The following AIG1 variants were observed in gnomAD, a reference collection of about 807,000 sequenced individuals.
The protein encoded by AIG1 is androgen induced 1.
AIG1 carries 23 observed loss-of-function variants against 31.4 expected under a neutral mutation model. The ratio of observed to expected loss-of-function variants is 0.73; its 90% CI spans 0.53 to 1.04. AIG1 has a LOEUF of 1.04. Among genes scored for constraint, AIG1 ranks in the 50% least tolerant of loss-of-function variants. The pLI is 0.00. For synonymous variants in AIG1, 100 were observed against 110.5 expected (o/e 0.90, Z 0.60); for missense variants, 274 against 295.0 (o/e 0.93, Z 0.52).
At chr6:143,274,001 C>T (rs1365622322) in intron 3 of AIG1, among the ~76,000 whole-genome samples, 2 of 152,198 alleles carry the variant, frequency 1.3e-5, no homozygotes, top group African/African-American at 2.4e-5. Context: ...GAGTTACTCT[C>T]CCTTCTTCCC....
intron 4 of AIG1, among the ~76,000 whole-genome samples, chr6:143,307,405 T>C (rs1232892470): frequency 6.6e-6 from 1 of 152,216 alleles, no homozygotes; most frequent in South Asian, 2.1e-4. Flanking sequence ...GTTTGTTAGT[T>C]TTCCTTCTAA....
chr6:143,113,506 G>A (rs961307163), intron 1 of AIG1, among the ~76,000 whole-genome samples: 1 of 151,382 alleles, frequency 6.6e-6, no homozygotes, highest in Non-Finnish European at 1.5e-5. Flanking sequence ...GGTAGGCTGA[G>A]GCAGGTGAAT....
intron 3 of AIG1, among the ~76,000 whole-genome samples, chr6:143,259,236 C>T (rs191454409): frequency 3.9e-5 from 6 of 152,286 alleles, no homozygotes; most frequent in Non-Finnish European, 2.9e-5. Context: ...AAATACTCAG[C>T]CTTGGGTATT....
At chr6:143,061,526 A>G (rs1275702017) in intron 1 of AIG1, 1 of 326,162 alleles carries the variant, frequency 3.1e-6, no homozygotes, top group Non-Finnish European at 6.1e-6. Flanking sequence ...GTGATTTGGA[A>G]CTTCACCTGA....
chr6:143,343,685 G>T (rs1777901923), downstream of AIG1, among the ~76,000 whole-genome samples: 1 of 152,100 alleles, frequency 6.6e-6, no homozygotes, highest in South Asian at 2.1e-4. Flanking sequence ...ATTTCTTTGT[G>T]TGTTTGTGTA....
At chr6:143,124,861 A>G (rs1194380113) in intron 1 of AIG1, among the ~76,000 whole-genome samples, 2 of 152,088 alleles carry the variant, frequency 1.3e-5, no homozygotes, top group African/African-American at 4.8e-5. Context: ...AACCACCCCC[A>G]TGATCCAATT....
At chr6:143,311,910 G>A (rs1775311591) in intron 4 of AIG1, among the ~76,000 whole-genome samples, 1 of 151,900 alleles carries the variant, frequency 6.6e-6, no homozygotes, top group Non-Finnish European at 1.5e-5. Context: ...ATTTCAATAT[G>A]CCAACATTGA....
chr6:143,096,820 A>G (rs1195870128), intron 1 of AIG1, among the ~76,000 whole-genome samples: 3 of 152,258 alleles, frequency 2.0e-5, no homozygotes, highest in Admixed American at 6.5e-5. Context: ...TCTATCAAAT[A>G]TAAGTCAGAG....
chr6:143,118,797 A>T (rs919690639), intron 1 of AIG1, among the ~76,000 whole-genome samples: 3 of 152,090 alleles, frequency 2.0e-5, no homozygotes, highest in African/African-American at 7.2e-5. Flanking sequence ...GGCTTGAGTG[A>T]CCTAAATAAA....
chr6:143,245,059 C>G lies in AIG1; in HGVS notation c.400-39051C>G, dbSNP rs1023890249. ...ATCATTAAGGATCAGCAGCCATTGT[C>G]TCTTTTAGTTGGAGAACGGTGGGTC... On this transcript the variant is annotated intron_variant, in intron 3 of 5. Coordinates refer to ENST00000357847, the MANE Select transcript of AIG1 (RefSeq NM_016108.4). Among the ~76,000 whole-genome samples the G allele has an allele frequency of 2.0e-5, 3 of 152,206 alleles. No homozygotes were observed. The East Asian group carries it at 5.8e-4, about 29-fold the overall frequency.
chr6:143,114,399 T>C (rs1376452940), intron 1 of AIG1, among the ~76,000 whole-genome samples: 1 of 152,240 alleles, frequency 6.6e-6, no homozygotes, highest in Admixed American at 6.5e-5. Flanking sequence ...GCTGTTTTAG[T>C]TACATGTTTT....
rs562097698 is a variant in AIG1 at position 143,340,744 on chromosome 6, G to C, written c.*1068G>C. 2.1e-3 allele frequency among the ~76,000 whole-genome samples: 318 copies of C among 152,086 alleles called. No homozygotes were observed. The highest frequency in any genetic ancestry group is 7.3e-3 in the African/African-American group (301 of 41,476). ...CCCAAAGTGCTGGGATTACAGACAT[G>C]AACCACCGCGCCCAGCCACAAAATT... On this transcript the variant is annotated 3_prime_UTR_variant, in exon 6 of 6. Transcript: ENST00000357847.
chr6:143,278,015 G>A (rs1797068602), intron 3 of AIG1, among the ~76,000 whole-genome samples: 1 of 152,198 alleles, frequency 6.6e-6, no homozygotes, highest in Admixed American at 6.5e-5. Context: ...TTAATCCACA[G>A]CGAAGATTAT....
chr6:143,162,017 G>A (rs899560525), intron 2 of AIG1, among the ~76,000 whole-genome samples: 1 of 152,178 alleles, frequency 6.6e-6, no homozygotes, highest in South Asian at 2.1e-4. Flanking sequence ...TTTGCAGATC[G>A]TGTAAGTATA....
In AIG1 at chr6:143,256,576, C is replaced by G. The variant is rs952147202; in HGVS notation, c.400-27534C>G. Among the ~76,000 whole-genome samples, 3 of 152,184 alleles carry G rather than the reference C, an allele frequency of 2.0e-5. No individual in the cohort carries two copies. The highest frequency in any genetic ancestry group is 7.2e-5 in the African/African-American group (3 of 41,456). On this transcript the variant is annotated intron_variant, in intron 3 of 5. Coordinates refer to ENST00000357847, the MANE Select transcript of AIG1 (RefSeq NM_016108.4). The surrounding 1 kb of genome is among the most constrained non-coding windows in gnomAD (Gnocchi z 4.6). ...AACCCTAAATCCAAACAAAATCTTC[C>G]ATGGACATCGAGCAGATAAAAATGG...
chr6:143,100,053 A>C (rs1171808920), intron 1 of AIG1, among the ~76,000 whole-genome samples: 1 of 152,196 alleles, frequency 6.6e-6, no homozygotes, highest in Non-Finnish European at 1.5e-5. Flanking sequence ...TGACTTTAGA[A>C]TATATTTACC....
intron 2 of AIG1, among the ~76,000 whole-genome samples, chr6:143,144,801 GTA>G (rs1261202600): frequency 6.6e-6 from 1 of 152,084 alleles, no homozygotes; most frequent in Non-Finnish European, 1.5e-5. Context: ...TTTTATTTGT[GTA>G]GTGTCTATCT....
In AIG1 at chr6:143,297,578, G is replaced by A. The variant is rs1389228350; in HGVS notation, c.515+13353G>A. Reference sequence around the variant, plus strand: ...ATTGGATGGTTGGGTGGTTGGTTGGGTGGGTGGTTGCTTAGTTGGGTGATT... The same window carrying A: ...ATTGGATGGTTGGGTGGTTGGTTGGATGGGTGGTTGCTTAGTTGGGTGATT... On this transcript the variant is annotated intron_variant, in intron 4 of 5. Coordinates refer to ENST00000357847, the MANE Select transcript of AIG1 (RefSeq NM_016108.4). This position sits in a 1 kb window ranked among gnomAD's most constrained non-coding sequence, Gnocchi z 5.1. Among the ~76,000 whole-genome samples, 2 of 151,976 alleles carry A rather than the reference G, an allele frequency of 1.3e-5. No individual in the cohort carries two copies. The highest frequency in any genetic ancestry group is 4.8e-5 in the African/African-American group (2 of 41,380).
At chr6:143,196,754 C>T (rs761485711) in intron 3 of AIG1, among the ~76,000 whole-genome samples, 1 of 151,976 alleles carries the variant, frequency 6.6e-6, no homozygotes, top group Non-Finnish European at 1.5e-5. Flanking sequence ...ACACCCCTGA[C>T]GTCTTTGGAG....
Sources: gnomAD v4.1 joint callset for allele counts (sites outside exome capture counted in the v4.1 genomes callset) on GRCh38, gnomAD v4.1.1 for gene constraint, Gnocchi (gnomAD v3.1) non-coding constraint, MANE v1.5 for transcripts, NCBI Gene and HGNC (gene_info 2026-07-23, HGNC 2026-07-21) for gene names.